The following MBOAT2 variants were observed in gnomAD, a reference collection of about 807,000 sequenced individuals.
The protein encoded by MBOAT2 is membrane-bound glycerophospholipid O-acyltransferase 2.
A neutral mutation model predicts 63.4 loss-of-function variants in MBOAT2; 28 were observed. The ratio of observed to expected loss-of-function variants is 0.44; its 90% CI spans 0.33 to 0.61. MBOAT2 has a LOEUF of 0.61. MBOAT2 is among the 20% of genes least tolerant of loss of function. MBOAT2 has a pLI of 0.03. For missense variants in MBOAT2, 470 were observed against 605.8 expected, an observed-to-expected ratio of 0.78 and a Z score of 2.35; for synonymous variants, 211 against 215.6, an observed-to-expected ratio of 0.98 and a Z score of 0.19.
chr2:8,914,967 G>T, intron 3 of MBOAT2, among the ~76,000 whole-genome samples: 2 of 111,124 alleles, frequency 1.8e-5, no homozygotes, highest in South Asian at 3.4e-4. Flanking sequence ...TTGAGATGGA[G>T]TCTTGCTGTC....
At chr2:8,902,158 G>A (rs748274640) in intron 4 of MBOAT2, among the ~76,000 whole-genome samples, 1 of 152,118 alleles carries the variant, frequency 6.6e-6, no homozygotes, top group African/African-American at 2.4e-5. Flanking sequence ...TGTTAAGAGA[G>A]CCCTTTTCCA....
intron 1 of MBOAT2, among the ~76,000 whole-genome samples, chr2:8,978,422 T>C (rs1050695612): frequency 6.6e-6 from 1 of 152,194 alleles, no homozygotes; most frequent in Non-Finnish European, 1.5e-5. Flanking sequence ...TATAAAATGA[T>C]CTTGTAAACA....
intron 1 of MBOAT2, among the ~76,000 whole-genome samples, chr2:8,993,696 G>GCT (rs950225499): frequency 9.2e-5 from 14 of 152,140 alleles, no homozygotes; most frequent in African/African-American, 3.4e-4. Flanking sequence ...TCTCTACCAG[G>GCT]AAGTGCTCCA....
chr2:8,968,660 T>C (rs377466875), intron 1 of MBOAT2, among the ~76,000 whole-genome samples: 1 of 152,096 alleles, frequency 6.6e-6, no homozygotes, highest in African/African-American at 2.4e-5. Context: ...CTAACTAGAA[T>C]AACCAGTGTA....
At chr2:8,961,291 G>A (rs1669584924) in intron 1 of MBOAT2, among the ~76,000 whole-genome samples, 1 of 152,084 alleles carries the variant, frequency 6.6e-6, no homozygotes, top group Non-Finnish European at 1.5e-5. Flanking sequence ...AGTGCTGCTG[G>A]GGACATGAGA....
intron 1 of MBOAT2, among the ~76,000 whole-genome samples, chr2:8,984,184 T>A (rs1671392166): frequency 6.6e-6 from 1 of 152,160 alleles, no homozygotes. Flanking sequence ...GGTTTCCACT[T>A]ACACGAAGTA....
intron 4 of MBOAT2, among the ~76,000 whole-genome samples, chr2:8,896,663 C>T (rs1010107208): frequency 7.2e-5 from 11 of 152,210 alleles, no homozygotes; most frequent in South Asian, 2.1e-4. Flanking sequence ...TTGGTATAGA[C>T]GGCTCCTTCC....
intron 6 of MBOAT2, among the ~76,000 whole-genome samples, chr2:8,881,367 A>G (rs1220822731): frequency 6.6e-6 from 1 of 152,144 alleles, no homozygotes; most frequent in Non-Finnish European, 1.5e-5. Context: ...ATCATCTTAG[A>G]AGAGTGTGGG....
In MBOAT2 at chr2:8,968,981, C is replaced by A. The variant is rs553119691; in HGVS notation, c.76-10339G>T. On this transcript the variant is annotated intron_variant, in intron 1 of 12. Coordinates refer to ENST00000305997, the MANE Select transcript of MBOAT2 (RefSeq NM_138799.4). The stretch of plus-strand genomic sequence containing the variant: ...CAGGATATTATCCAGAAGAACTTCC[C>A]CAACCTAGAAAGGCAGGCCAACATT... Among the ~76,000 whole-genome samples the A allele has an allele frequency of 3.3e-5, 5 of 152,242 alleles. No individual in the cohort carries two copies. In the South Asian group the frequency reaches 1.0e-3, roughly 32 times the overall value.
At chr2:8,867,973 C>T (rs1006989382) in intron 9 of MBOAT2, among the ~76,000 whole-genome samples, 3 of 152,108 alleles carry the variant, frequency 2.0e-5, no homozygotes, top group South Asian at 4.1e-4. Flanking sequence ...TCCACTTCCC[C>T]AACCTCATCC....
chr2:8,954,374 C>G (rs1362204144), intron 2 of MBOAT2, among the ~76,000 whole-genome samples: 1 of 152,088 alleles, frequency 6.6e-6, no homozygotes, highest in East Asian at 1.9e-4. Context: ...ATATAGTGGT[C>G]TGAGCTCCCT....
intron 4 of MBOAT2, among the ~76,000 whole-genome samples, chr2:8,900,684 G>C (rs1243850099): frequency 1.3e-5 from 2 of 152,178 alleles, no homozygotes; most frequent in Admixed American, 1.3e-4. Flanking sequence ...GGATATGGCG[G>C]TAAGCTGAAA....
intron 6 of MBOAT2, 140 bp downstream of exon 6, chr2:8,882,371 G>T: frequency 6.3e-6 from 5 of 787,858 alleles, no homozygotes; most frequent in African/African-American, 1.7e-5. Context: ...TTGGCAGGAG[G>T]GAAGTGCATG....
At chr2:8,897,063 G>C (rs761430071) in intron 4 of MBOAT2, among the ~76,000 whole-genome samples, 4 of 152,128 alleles carry the variant, frequency 2.6e-5, no homozygotes, top group South Asian at 2.1e-4. Context: ...ATCAATTATA[G>C]GTTTTAAAAT....
At chr2:8,987,152 T>A (rs981408244) in intron 1 of MBOAT2, among the ~76,000 whole-genome samples, 1 of 152,202 alleles carries the variant, frequency 6.6e-6, no homozygotes, top group African/African-American at 2.4e-5. Context: ...AAAAACCGGA[T>A]GTGGGGTATG....
chr2:8,935,407 TAA>T (rs1401604465), intron 3 of MBOAT2, among the ~76,000 whole-genome samples: 1 of 152,212 alleles, frequency 6.6e-6, no homozygotes, highest in Non-Finnish European at 1.5e-5. Flanking sequence ...AGCAGGATTT[TAA>T]AAAGAGTAAA....
intron 2 of MBOAT2, among the ~76,000 whole-genome samples, chr2:8,944,243 A>T (rs1668254303): frequency 6.6e-6 from 1 of 152,230 alleles, no homozygotes; most frequent in Non-Finnish European, 1.5e-5. Flanking sequence ...CACAAAATTC[A>T]GGCAAAACAT....
Position 8,860,657 on chromosome 2 carries a change from CA to C in MBOAT2, c.1292del (p.Val431GlyfsTer8). 6.2e-7 allele frequency: 1 copy of C among 1,613,282 alleles called. No homozygotes were observed. Among genetic ancestry groups the C allele is most frequent in the Non-Finnish European group, 8.5e-7 (1 of 1,179,706 alleles). ...VTQVAISYTV[V>X]PFVLLSIKPS... Reference sequence around the variant, plus strand: ...GTTTTATAGAAAGAAGCACAAATGGCACAACTGTGTAACTTATTGCTACTTG... The same window carrying C: ...GTTTTATAGAAAGAAGCACAAATGGCCAACTGTGTAACTTATTGCTACTTG... On this transcript the variant is annotated frameshift_variant, in exon 12 of 13. Coordinates refer to ENST00000305997, the MANE Select transcript of MBOAT2 (RefSeq NM_138799.4). LOFTEE classifies it low-confidence loss of function (END_TRUNC).
chr2:8,932,961 A>C (rs551980139), intron 3 of MBOAT2, among the ~76,000 whole-genome samples: 4 of 152,234 alleles, frequency 2.6e-5, no homozygotes, highest in Non-Finnish European at 5.9e-5. Context: ...CAACTGTCTA[A>C]GACAATTTCC....
Sources: gnomAD v4.1 joint callset for allele counts (sites outside exome capture counted in the v4.1 genomes callset) on GRCh38, gnomAD v4.1.1 for gene constraint, MANE v1.5 for transcripts, NCBI Gene and HGNC (gene_info 2026-07-23, HGNC 2026-07-21) for gene names.